Variants in DDR2 observed in about 807,000 individuals in gnomAD.
DDR2 encodes the protein discoidin domain receptor tyrosine kinase 2, also known as discoidin domain-containing receptor 2.
Under a neutral mutation model 94.9 loss-of-function variants are expected in DDR2, and 27 were observed. The observed-to-expected ratio is 0.28, with a 90% confidence interval of 0.21 to 0.39. DDR2 has a LOEUF of 0.39. DDR2 is among the 10% of genes least tolerant of loss of function. DDR2 has a pLI of 1.00. For missense variants in DDR2, 783 were observed against 1,076.0 expected, an observed-to-expected ratio of 0.73 and a Z score of 3.81; for synonymous variants, 382 against 377.2, an observed-to-expected ratio of 1.01 and a Z score of -0.15.
Position 162,643,777 on chromosome 1 carries a change from G to A in DDR2, c.-192+11146G>A, listed in dbSNP as rs138731960. Among the ~76,000 whole-genome samples, 327 of 152,236 alleles carry A rather than the reference G, an allele frequency of 2.1e-3. 1 individual carries two copies. The highest frequency in any genetic ancestry group is 3.5e-3 in the Non-Finnish European group (240 of 68,020). On this transcript the variant is annotated intron_variant, in intron 1 of 17. Coordinates refer to ENST00000367921, the MANE Select transcript of DDR2 (RefSeq NM_006182.4). ...ATTACAGGTGTGAGCCACTGCACCC[G>A]GCCAGAAGATCTAATTTTCTAACTT...
intron 1 of DDR2, among the ~76,000 whole-genome samples, chr1:162,652,658 A>G (rs758419665): frequency 2.6e-5 from 4 of 152,228 alleles, no homozygotes; most frequent in Non-Finnish European, 4.4e-5. Context: ...ACTATGTGGT[A>G]GGAACATTTT....
rs923473112 is a variant in DDR2 at position 162,719,246 on chromosome 1, A to G, written c.82+101A>G. ...CTAAAAGCTGCCAAGAGGGACTACA[A>G]AGCTCTTTCTTTTTAAATCTCCATG... On this transcript the variant is annotated intron_variant, in intron 3 of 17. Transcript: ENST00000367921. 4.9e-5 allele frequency: 77 copies of G among 1,583,678 alleles called. No individual in the cohort carries two copies. The South Asian group carries it at 5.7e-4, about 12-fold the overall frequency.
At chr1:162,683,393 A>C (rs1659507912) in intron 2 of DDR2, among the ~76,000 whole-genome samples, 1 of 152,152 alleles carries the variant, frequency 6.6e-6, no homozygotes, top group Non-Finnish European at 1.5e-5. Flanking sequence ...TTTGAAGATG[A>C]CATGATTGCC....
At chr1:162,761,025 C>T (rs1663711834) in intron 8 of DDR2, among the ~76,000 whole-genome samples, 186 bp from the exon 9 acceptor site, 1 of 151,986 alleles carries the variant, frequency 6.6e-6, no homozygotes, top group Non-Finnish European at 1.5e-5. Context: ...TCTCACCTAG[C>T]CCTGTGAAAA....
chr1:162,769,582 G>A (rs1664164685), intron 11 of DDR2, among the ~76,000 whole-genome samples: 1 of 152,236 alleles, frequency 6.6e-6, no homozygotes, highest in South Asian at 2.1e-4. Context: ...AGCTGTGTTT[G>A]TTGGAGTGGA....
intron 7 of DDR2, among the ~76,000 whole-genome samples, chr1:162,756,099 A>G (rs1285737076): frequency 6.6e-6 from 1 of 152,226 alleles, no homozygotes; most frequent in African/African-American, 2.4e-5. Flanking sequence ...TGACCTACTT[A>G]TGGAAACAAA....
At chr1:162,755,048 T>G in intron 5 of DDR2, 108 bp from the exon 6 acceptor site, 1 of 1,533,530 alleles carries the variant, frequency 6.5e-7, no homozygotes, top group African/African-American at 1.4e-5. Flanking sequence ...GTAGATGCAT[T>G]CTGCTCCTCG....
At chr1:162,696,313 T>C (rs924369221) in intron 2 of DDR2, among the ~76,000 whole-genome samples, 4 of 151,742 alleles carry the variant, frequency 2.6e-5, no homozygotes, top group South Asian at 4.2e-4. Context: ...GTGCATGCTC[T>C]GAGCAAAAAG....
intron 2 of DDR2, among the ~76,000 whole-genome samples, chr1:162,687,589 G>A (rs1169045850): frequency 6.6e-6 from 1 of 152,144 alleles, no homozygotes; most frequent in Non-Finnish European, 1.5e-5. Context: ...CAGTAGCCCT[G>A]CGTGTTCTCA....
intron 7 of DDR2, among the ~76,000 whole-genome samples, chr1:162,758,992 C>G (rs1413217126): frequency 6.6e-6 from 1 of 152,146 alleles, no homozygotes; most frequent in Non-Finnish European, 1.5e-5. Context: ...CAGTTATATT[C>G]CATCCAGCAG....
intron 7 of DDR2, 87 bp downstream of exon 7, chr1:162,755,856 C>A: frequency 8.7e-7 from 1 of 1,150,046 alleles, no homozygotes; most frequent in Non-Finnish European, 1.3e-6. Flanking sequence ...AATAATCAAT[C>A]AACCAATCAG....
Position 162,753,107 on chromosome 1 carries a change from A to G in DDR2, c.95A>G (p.Tyr32Cys). Residue 32 changes from tyrosine (Y) to cysteine (C), a missense_variant, in exon 4 of 18, where the codon TAT becomes TGT. Physicochemically the swap from Tyr to Cys is radical, Grantham distance 194 (BLOSUM62 -2). Coordinates refer to ENST00000367921, the MANE Select transcript of DDR2 (RefSeq NM_006182.4). Reference sequence around the variant, plus strand: ...TCTCTTGGTCTAGCTATATGCCGCTATCCTCTGGGCATGTCAGGAGGCCAG... The same window carrying G: ...TCTCTTGGTCTAGCTATATGCCGCTGTCCTCTGGGCATGTCAGGAGGCCAG... ...KAQVNPAICR[Y>C]PLGMSGGQIP... 1.2e-6 allele frequency: 2 copies of G among 1,613,574 alleles called. No individual in the cohort carries two copies. The highest frequency in any genetic ancestry group is 1.7e-6 in the Non-Finnish European group (2 of 1,179,662).
At chr1:162,751,603 T>C (rs1460683399) in intron 3 of DDR2, among the ~76,000 whole-genome samples, 1 of 152,142 alleles carries the variant, frequency 6.6e-6, no homozygotes, top group Non-Finnish European at 1.5e-5. Context: ...TCCTCAAAGA[T>C]CTAGAAGTAG....
At chr1:162,727,524 ATAAAT>A (rs1430040898) in intron 3 of DDR2, among the ~76,000 whole-genome samples, 1 of 147,050 alleles carries the variant, frequency 6.8e-6, no homozygotes, top group African/African-American at 2.5e-5. Flanking sequence ...AAATAAATAA[ATAAAT>A]AAAAATAAAA....
At position 162,782,431 on chromosome 1, in the gene DDR2, C is replaced by G. The variant is rs1257668749; in HGVS notation, c.*2185C>G. On this transcript the variant is annotated 3_prime_UTR_variant, in exon 18 of 18. Transcript: ENST00000367921. ...GTAACACATGCCATTTGTATTGTGCCTTAGGTTTACCAGGTGTTTCCAAAT... is the reference window on the plus strand; with the variant it reads ...GTAACACATGCCATTTGTATTGTGCGTTAGGTTTACCAGGTGTTTCCAAAT... The G allele has an allele frequency of 1.3e-5, 2 of 152,086 alleles. No individual in the cohort carries two copies. Among genetic ancestry groups the G allele is most frequent in the Non-Finnish European group, 2.9e-5 (2 of 68,014 alleles). 9.4% of individuals were successfully genotyped at this position (152,086 alleles called of 1,614,324 possible).
chr1:162,777,054 A>T (rs1040247716), intron 16 of DDR2, among the ~76,000 whole-genome samples: 4 of 152,126 alleles, frequency 2.6e-5, no homozygotes, highest in African/African-American at 4.8e-5. Flanking sequence ...AAAGTCTGAG[A>T]CCAATTTGGT....
chr1:162,657,155 T>A (rs754372672), intron 2 of DDR2, among the ~76,000 whole-genome samples: 1 of 152,080 alleles, frequency 6.6e-6, no homozygotes, highest in Admixed American at 6.6e-5. Context: ...TCTTAAACAA[T>A]GATTTCCATA....
chr1:162,698,899 T>G (rs546926392), intron 2 of DDR2, among the ~76,000 whole-genome samples: 6 of 152,304 alleles, frequency 3.9e-5, no homozygotes, highest in African/African-American at 1.4e-4. Context: ...TCCTTGGGGT[T>G]TTTGAAGAAA....
intron 2 of DDR2, among the ~76,000 whole-genome samples, chr1:162,689,016 A>G (rs557856702): frequency 6.6e-6 from 1 of 152,118 alleles, no homozygotes; most frequent in South Asian, 2.1e-4. Context: ...TTGTTGTGTG[A>G]CTTAGGTTCT....
Sources: gnomAD v4.1 joint callset for allele counts (sites outside exome capture counted in the v4.1 genomes callset) on GRCh38, gnomAD v4.1.1 for gene constraint, MANE v1.5 for transcripts, NCBI Gene and HGNC (gene_info 2026-07-23, HGNC 2026-07-21) for gene names.